Variants in METTL15 observed in about 807,000 individuals in gnomAD.
METTL15 encodes 12S rRNA N(4)-cytidine methyltransferase METTL15.
METTL15 carries 34 observed loss-of-function variants against 38.3 expected under a neutral mutation model. The ratio of observed to expected loss-of-function variants is 0.89; its 90% CI spans 0.68 to 1.18. The LOEUF (loss-of-function observed/expected upper bound fraction) is 1.18. Among genes scored for constraint, METTL15 ranks in the 50% most tolerant of loss-of-function variants. The pLI is 0.00. For synonymous variants in METTL15, 162 were observed against 170.9 expected (o/e 0.95, Z 0.41); for missense variants, 438 against 498.4 (o/e 0.88, Z 1.15).
intron 3 of METTL15, among the ~76,000 whole-genome samples, chr11:28,183,608 C>T (rs909342948): frequency 5.3e-5 from 8 of 151,970 alleles, no homozygotes; most frequent in Non-Finnish European, 7.4e-5. Flanking sequence ...GGGATGAAGC[C>T]GACTTGATCG....
intron 6 of METTL15, among the ~76,000 whole-genome samples, chr11:28,441,318 T>A (rs1349430573): frequency 1.3e-5 from 2 of 152,022 alleles, no homozygotes; most frequent in East Asian, 3.9e-4. Flanking sequence ...ATAGATTAGG[T>A]TAAATATGTT....
intron 4 of METTL15, among the ~76,000 whole-genome samples, chr11:28,280,334 C>T (rs1856007220): frequency 6.6e-6 from 1 of 152,098 alleles, no homozygotes; most frequent in Non-Finnish European, 1.5e-5. Context: ...TGATTGTTAG[C>T]AATTTTTGTC....
At chr11:28,124,458 AGATT>A (rs1852384344) in intron 3 of METTL15, among the ~76,000 whole-genome samples, 1 of 152,130 alleles carries the variant, frequency 6.6e-6, no homozygotes, top group Admixed American at 6.6e-5. Flanking sequence ...GCTTGATCTC[AGATT>A]GATCTCTCAC....
At chr11:28,491,043 G>T (rs535721913) in intron 6 of METTL15, among the ~76,000 whole-genome samples, 1 of 152,206 alleles carries the variant, frequency 6.6e-6, no homozygotes, top group East Asian at 1.9e-4. Context: ...ATTAAATCTT[G>T]GCATCCCTAA....
intron 6 of METTL15, among the ~76,000 whole-genome samples, chr11:28,300,024 A>G (rs1856859776): frequency 6.6e-6 from 1 of 152,102 alleles, no homozygotes; most frequent in South Asian, 2.1e-4. Flanking sequence ...TTAATCCAGT[A>G]TATCCTAATC....
intron 6 of METTL15, among the ~76,000 whole-genome samples, chr11:28,488,640 GC>G (rs572299738): frequency 1.6e-4 from 24 of 152,082 alleles, no homozygotes; most frequent in Non-Finnish European, 2.9e-4. Flanking sequence ...GCTCTGCTCT[GC>G]CCAGCTTGGC....
intron 6 of METTL15, among the ~76,000 whole-genome samples, chr11:28,310,469 C>T (rs1422380319): frequency 1.3e-5 from 2 of 152,080 alleles, no homozygotes; most frequent in South Asian, 2.1e-4. Context: ...GTAATATTTC[C>T]TGCAGTTGGC....
chr11:28,399,024 C>CA (rs1446721693), intron 5 of METTL15: 1 of 152,000 alleles, frequency 6.6e-6, no homozygotes, highest in Non-Finnish European at 1.5e-5. Context: ...AAGCTGAAGG[C>CA]ATCACACTAC....
intron 5 of METTL15, among the ~76,000 whole-genome samples, chr11:28,405,371 T>C (rs1850664896): frequency 6.6e-6 from 1 of 152,178 alleles, no homozygotes; most frequent in South Asian, 2.1e-4. Flanking sequence ...TGCCATATGA[T>C]CATTAAACTT....
intron 5 of METTL15, among the ~76,000 whole-genome samples, chr11:28,405,857 T>C (rs1850669061): frequency 6.6e-6 from 1 of 152,124 alleles, no homozygotes; most frequent in South Asian, 2.1e-4. Context: ...ACCTCTCATA[T>C]TCAATTATGA....
At position 28,277,265 on chromosome 11, in the gene METTL15, G is replaced by A. The variant is rs561698933; in HGVS notation, c.408-12941G>A. Reference sequence around the variant, plus strand: ...AATGAAAAGAAATTAGTGTATCAAAGGGATACATGTACTAGCATATTTATC... The same window carrying A: ...AATGAAAAGAAATTAGTGTATCAAAAGGATACATGTACTAGCATATTTATC... On this transcript the variant is annotated intron_variant, in intron 4 of 6. Coordinates refer to ENST00000407364, the MANE Select transcript of METTL15 (RefSeq NM_001113528.2). Among the ~76,000 whole-genome samples the A allele has an allele frequency of 5.3e-5, 8 of 152,198 alleles. 1 individual carries two copies. The South Asian group carries it at 1.7e-3, about 32-fold the overall frequency.
At chr11:28,495,454 CT>C (rs1851527945) in intron 6 of METTL15, among the ~76,000 whole-genome samples, 1 of 152,144 alleles carries the variant, frequency 6.6e-6, no homozygotes, top group Non-Finnish European at 1.5e-5. Context: ...ATTAAAGATG[CT>C]GAGCATGCTT....
chr11:28,464,793 G>C (rs1851243318), intron 6 of METTL15, among the ~76,000 whole-genome samples: 1 of 152,162 alleles, frequency 6.6e-6, no homozygotes, highest in Non-Finnish European at 1.5e-5. Context: ...TCACCAATGA[G>C]AACTATTTCC....
intron 3 of METTL15, among the ~76,000 whole-genome samples, chr11:28,174,688 G>A (rs191834077): frequency 1.1e-3 from 168 of 151,722 alleles, no homozygotes; most frequent in African/African-American, 3.6e-3. Context: ...GGTGGCAGGC[G>A]CCTGTAGTCC....
chr11:28,372,792 C>A (rs1398389751), intron 5 of METTL15, among the ~76,000 whole-genome samples: 42 of 127,276 alleles, frequency 3.3e-4, no homozygotes, highest in African/African-American at 1.2e-3. Context: ...ACAACAGTCC[C>A]CACAGTGTGA....
chr11:28,442,129 G>T (rs896774107), intron 6 of METTL15, among the ~76,000 whole-genome samples: 1 of 152,164 alleles, frequency 6.6e-6, no homozygotes. Context: ...AGGGGAAGAG[G>T]TATAGAAAAA....
intron 6 of METTL15, among the ~76,000 whole-genome samples, chr11:28,492,642 G>T (rs1267575968): frequency 1.3e-5 from 2 of 152,048 alleles, no homozygotes; most frequent in Non-Finnish European, 2.9e-5. Context: ...GCCTATGTCA[G>T]GTCTCTATTT....
At chr11:28,188,478 A>T (rs1024798108) in intron 3 of METTL15, among the ~76,000 whole-genome samples, 1 of 151,318 alleles carries the variant, frequency 6.6e-6, no homozygotes, top group Non-Finnish European at 1.5e-5. Context: ...ATGATAATGA[A>T]CAAATGTTTT....
rs377191712 is a variant in METTL15 at position 28,380,766 on chromosome 11, G to A, written c.*358+18730G>A. 1.8e-4 allele frequency among the ~76,000 whole-genome samples: 28 copies of A among 152,048 alleles called. 1 individual carries two copies. The highest frequency in any genetic ancestry group is 5.3e-4 in the African/African-American group (22 of 41,498). On this transcript the variant is annotated intron_variant and NMD_transcript_variant, in intron 5 of 7. Transcript: ENST00000532947. Reference sequence around the variant, plus strand: ...AAAGAATGGAAATATACAAATGTTCGTCTAGGAGAAATGTTCTCTCTCCTT... The same window carrying A: ...AAAGAATGGAAATATACAAATGTTCATCTAGGAGAAATGTTCTCTCTCCTT...
Sources: gnomAD v4.1 joint callset for allele counts (sites outside exome capture counted in the v4.1 genomes callset) on GRCh38, gnomAD v4.1.1 for gene constraint, MANE v1.5 for transcripts, NCBI Gene and HGNC (gene_info 2026-07-23, HGNC 2026-07-21) for gene names.